Variants in PACRG observed in about 807,000 individuals in gnomAD.
The protein encoded by PACRG is parkin coregulated gene protein.
A neutral mutation model predicts 29.7 loss-of-function variants in PACRG; 29 were observed. That is an observed-to-expected ratio of 0.98 (90% CI 0.73 to 1.33). PACRG has a LOEUF of 1.33. Among genes scored for constraint, PACRG ranks in the 40% most tolerant of loss-of-function variants. The pLI, the probability that PACRG is intolerant of heterozygous loss-of-function variation, is 0.00. For missense variants in PACRG, 279 were observed against 316.2 expected (o/e 0.88, Z 0.89); for synonymous variants, 116 against 118.7 (o/e 0.98, Z 0.15).
At chr6:163,179,387 T>C (rs530648322) in intron 4 of PACRG, 21 of 211,074 alleles carry the variant, frequency 9.9e-5, no homozygotes, top group South Asian at 7.3e-4. Flanking sequence ...TTTGGTGTTC[T>C]TTAAATTAAA....
chr6:163,061,975 C>T (rs1462609971), intron 2 of PACRG, among the ~76,000 whole-genome samples, 175 bp from the exon 3 acceptor site: 1 of 152,122 alleles, frequency 6.6e-6, no homozygotes, highest in African/African-American at 2.4e-5. Flanking sequence ...CCTCATTGCT[C>T]ATTGATTCAG....
At chr6:163,197,192 A>G (rs1780495195) in intron 4 of PACRG, among the ~76,000 whole-genome samples, 1 of 152,184 alleles carries the variant, frequency 6.6e-6, no homozygotes, top group Non-Finnish European at 1.5e-5. Context: ...CCACAGTAAG[A>G]GCATTTCCCT....
At chr6:162,947,359 A>AG (rs376521730) in intron 2 of PACRG, among the ~76,000 whole-genome samples, 6 of 36,702 alleles carry the variant, frequency 1.6e-4, no homozygotes, top group Admixed American at 3.8e-4. Flanking sequence ...ACATATATAT[A>AG]ATGTAATCAT....
intron 2 of PACRG, among the ~76,000 whole-genome samples, chr6:162,851,751 A>G (rs1790878043): frequency 6.6e-6 from 1 of 152,118 alleles, no homozygotes. Context: ...ATTGATTATT[A>G]TATGATATGT....
chr6:162,825,249 C>T (rs1171089302), intron 2 of PACRG, among the ~76,000 whole-genome samples: 1 of 152,018 alleles, frequency 6.6e-6, no homozygotes, highest in Admixed American at 6.6e-5. Flanking sequence ...TATGTTTTTA[C>T]CTATTTGTGA....
At chr6:163,123,178 G>A (rs190170687) in intron 4 of PACRG, among the ~76,000 whole-genome samples, 1 of 152,342 alleles carries the variant, frequency 6.6e-6, no homozygotes, top group Admixed American at 6.5e-5. Context: ...GGGCCCAGGG[G>A]ATTGGCTTGA....
At chr6:163,314,702 T>C (rs921206556) in intron 4 of PACRG, 125 bp from the exon 5 acceptor site, 6 of 1,073,976 alleles carry the variant, frequency 5.6e-6, no homozygotes, top group Non-Finnish European at 7.7e-6. Context: ...CTCCGCAAGA[T>C]CGTGTAAAAA....
At chr6:162,984,395 C>T (rs1018660463) in intron 2 of PACRG, among the ~76,000 whole-genome samples, 4 of 151,886 alleles carry the variant, frequency 2.6e-5, no homozygotes, top group Non-Finnish European at 5.9e-5. Context: ...ATATGCATAC[C>T]ACATTTTCTT....
chr6:163,111,739 A>G (rs1663907297), intron 4 of PACRG, among the ~76,000 whole-genome samples: 1 of 152,120 alleles, frequency 6.6e-6, no homozygotes, highest in Non-Finnish European at 1.5e-5. Context: ...AATCTGTGAG[A>G]TTTCATGCTA....
chr6:162,908,632 T>G (rs1796096311), intron 2 of PACRG, among the ~76,000 whole-genome samples: 1 of 152,168 alleles, frequency 6.6e-6, no homozygotes, highest in Non-Finnish European at 1.5e-5. Flanking sequence ...ACAGTAGAGA[T>G]AGGCCATTTT....
intron 4 of PACRG, among the ~76,000 whole-genome samples, chr6:163,281,576 G>A (rs575915744): frequency 6.6e-6 from 1 of 152,044 alleles, no homozygotes; most frequent in Non-Finnish European, 1.5e-5. Flanking sequence ...TCTAGATAGT[G>A]TACATTTAAT....
intron 2 of PACRG, among the ~76,000 whole-genome samples, chr6:162,830,886 C>T (rs947132888): frequency 6.6e-5 from 10 of 152,172 alleles, no homozygotes; most frequent in Non-Finnish European, 1.0e-4. Flanking sequence ...TCAACAAACA[C>T]GTTCTCAGCT....
intron 4 of PACRG, among the ~76,000 whole-genome samples, chr6:163,269,635 C>T (rs1042998322): frequency 6.6e-6 from 1 of 151,810 alleles, no homozygotes; most frequent in Non-Finnish European, 1.5e-5. Context: ...AAAGATATCC[C>T]ACCCCACCAA....
chr6:163,261,863 T>C (rs1348817085), intron 4 of PACRG, among the ~76,000 whole-genome samples: 1 of 152,218 alleles, frequency 6.6e-6, no homozygotes, highest in East Asian at 1.9e-4. Context: ...ACGCAAATAC[T>C]GCACCATTTA....
intron 2 of PACRG, among the ~76,000 whole-genome samples, chr6:163,058,924 A>G (rs1183362414): frequency 2.0e-5 from 3 of 151,482 alleles, no homozygotes; most frequent in Admixed American, 2.0e-4. Context: ...CAAACAAAAA[A>G]CAAAATTAAC....
At chr6:162,974,658 C>T (rs1455352903) in intron 2 of PACRG, among the ~76,000 whole-genome samples, 1 of 152,042 alleles carries the variant, frequency 6.6e-6, no homozygotes, top group Non-Finnish European at 1.5e-5. Flanking sequence ...GCATTGTTTC[C>T]TTAAATAATG....
In PACRG at chr6:162,927,877, C is replaced by T. The variant is rs1000925950; in HGVS notation, c.291+113596C>T. ...ATCCCTGGGATGAATGAAACTGGAT[C>T]GTGGTGTACTATCTTTTTCATGTGC... On this transcript the variant is annotated intron_variant, in intron 2 of 4. Transcript: ENST00000366888. Among the ~76,000 whole-genome samples, 5 of 151,948 alleles carry T rather than the reference C, an allele frequency of 3.3e-5. No homozygotes were observed. The East Asian group carries it at 5.8e-4, about 18-fold the overall frequency.
intron 4 of PACRG, among the ~76,000 whole-genome samples, chr6:163,236,141 T>C (rs1782229376): frequency 1.8e-5 from 1 of 54,354 alleles, no homozygotes; most frequent in Non-Finnish European, 3.2e-5. Flanking sequence ...GGGTATGGCA[T>C]ACCCTGTATG....
intron 2 of PACRG, among the ~76,000 whole-genome samples, chr6:162,956,825 A>G (rs1384190972): frequency 2.6e-5 from 4 of 152,142 alleles, no homozygotes; most frequent in Non-Finnish European, 5.9e-5. Context: ...ACAAGCTCAC[A>G]TCACGAGGCC....
Sources: gnomAD v4.1 joint callset for allele counts (sites outside exome capture counted in the v4.1 genomes callset) on GRCh38, gnomAD v4.1.1 for gene constraint, MANE v1.5 for transcripts, NCBI Gene and HGNC (gene_info 2026-07-23, HGNC 2026-07-21) for gene names.